DDR2: variants seen among roughly 807,000 people sequenced by gnomAD.
DDR2 encodes the protein discoidin domain-containing receptor 2.
DDR2 carries 27 observed loss-of-function variants against 94.9 expected under a neutral mutation model. That is an observed-to-expected ratio of 0.28 (90% confidence interval 0.21 to 0.39). The LOEUF (loss-of-function observed/expected upper bound fraction) is 0.39. Ranked by LOEUF, DDR2 falls within the 10% of genes least tolerant of loss-of-function variation. The probability of loss-of-function intolerance (pLI) is 1.00; values close to 1 mark genes in which losing one functional copy is unlikely to be tolerated. For missense variants in DDR2, 783 were observed against 1,076.0 expected (o/e 0.73, Z 3.81); for synonymous variants, 382 against 377.2 (o/e 1.01, Z -0.15).
At chr1:162,731,467 T>G (rs1281380338) in intron 3 of DDR2, among the ~76,000 whole-genome samples, 3 of 152,152 alleles carry the variant, frequency 2.0e-5, no homozygotes, top group Non-Finnish European at 4.4e-5. Context: ...TGAGTCAAAG[T>G]AAAAATAATT....
intron 7 of DDR2, among the ~76,000 whole-genome samples, chr1:162,758,069 T>C (rs1412662616): frequency 1.3e-5 from 2 of 152,110 alleles, no homozygotes; most frequent in Non-Finnish European, 2.9e-5. Flanking sequence ...CAGTAGGGGA[T>C]GATGATGGAT....
intron 3 of DDR2, among the ~76,000 whole-genome samples, chr1:162,728,870 A>C (rs1271286036): frequency 1.3e-5 from 2 of 152,000 alleles, no homozygotes; most frequent in Non-Finnish European, 2.9e-5. Context: ...CTCTGTCACT[A>C]TCTAGCTTTG....
At chr1:162,650,803 G>A (rs944292384) in intron 1 of DDR2, among the ~76,000 whole-genome samples, 1 of 151,930 alleles carries the variant, frequency 6.6e-6, no homozygotes, top group Non-Finnish European at 1.5e-5. Context: ...TCAGCTCACT[G>A]CAGCCTAAGC....
At chr1:162,703,837 A>G (rs1008681769) in intron 2 of DDR2, among the ~76,000 whole-genome samples, 1 of 152,078 alleles carries the variant, frequency 6.6e-6, no homozygotes, top group Non-Finnish European at 1.5e-5. Context: ...CAGCCTTTCC[A>G]GAGTGTGTCT....
intron 2 of DDR2, among the ~76,000 whole-genome samples, chr1:162,688,976 T>G (rs529419176): frequency 1.3e-5 from 2 of 152,274 alleles, no homozygotes; most frequent in South Asian, 4.1e-4. Context: ...GGTCCCCTCA[T>G]GATGTTCTGC....
At chr1:162,675,153 A>G (rs1221443861) in intron 2 of DDR2, among the ~76,000 whole-genome samples, 1 of 151,120 alleles carries the variant, frequency 6.6e-6, no homozygotes, top group Non-Finnish European at 1.5e-5. Context: ...GTGAAACTCC[A>G]TCTCAAAAAA....
chr1:162,686,209 T>A (rs892282492), intron 2 of DDR2, among the ~76,000 whole-genome samples: 6 of 152,106 alleles, frequency 3.9e-5, no homozygotes, highest in African/African-American at 1.4e-4. Flanking sequence ...TATTTTTTTT[T>A]TAAATTTTAT....
intron 2 of DDR2, among the ~76,000 whole-genome samples, chr1:162,706,036 C>T (rs1344004860): frequency 1.3e-5 from 2 of 152,146 alleles, no homozygotes; most frequent in Non-Finnish European, 2.9e-5. Context: ...TGGTTATCTG[C>T]TAAGTTTTGG....
intron 11 of DDR2, among the ~76,000 whole-genome samples, chr1:162,769,415 G>C (rs1191407707): frequency 6.6e-6 from 1 of 152,144 alleles, no homozygotes; most frequent in East Asian, 1.9e-4. Flanking sequence ...TAATTTTGGT[G>C]GTGTCCTCAA....
At chr1:162,774,974 T>C (rs554502109) in intron 14 of DDR2, among the ~76,000 whole-genome samples, 1 of 152,310 alleles carries the variant, frequency 6.6e-6, no homozygotes, top group South Asian at 2.1e-4. Flanking sequence ...GAGGCCTCAC[T>C]AACAAAATCT....
intron 7 of DDR2, among the ~76,000 whole-genome samples, chr1:162,756,662 G>A (rs1222244896): frequency 6.6e-6 from 1 of 152,144 alleles, no homozygotes; most frequent in Non-Finnish European, 1.5e-5. Context: ...AGGGAGTGTG[G>A]AATTACAGCC....
At position 162,743,798 on chromosome 1, in the gene DDR2, A is replaced by G. The variant is rs547998774; in HGVS notation, c.83-9297A>G. Among the ~76,000 whole-genome samples, 87 of 152,350 alleles carry G rather than the reference A, an allele frequency of 5.7e-4. 1 individual carries two copies. The highest frequency in any genetic ancestry group is 1.9e-3 in the African/African-American group (80 of 41,594). On this transcript the variant is annotated intron_variant, in intron 3 of 17. Transcript: ENST00000367921. ...TTACATATAAACCTGTGAAATCATC[A>G]CCATAATCAAGATAATGACCACATC...
chr1:162,741,611 G>A lies in DDR2; in HGVS notation c.83-11484G>A, dbSNP rs145951380. 6.6e-5 allele frequency: 65 copies of A among 985,298 alleles called. 1 individual carries two copies. The Middle Eastern group carries it at 1.6e-3, about 24-fold the overall frequency. 61.0% of individuals were successfully genotyped at this position (985,298 alleles called of 1,614,324 possible). A position where few individuals can be genotyped will look rare whatever the true frequency, so the allele number is the denominator to read the frequency against. On this transcript the variant is annotated intron_variant, in intron 3 of 17. Coordinates refer to ENST00000367921, the MANE Select transcript of DDR2 (RefSeq NM_006182.4). ...ATGGCAATCAGGGACACTATGACATGGACTACAGTCAAAAGATCCAGGAAT... is the reference window on the plus strand; with the variant it reads ...ATGGCAATCAGGGACACTATGACATAGACTACAGTCAAAAGATCCAGGAAT...
chr1:162,778,834 T>A, intron 17 of DDR2, 105 bp downstream of exon 17: 1 of 1,437,588 alleles, frequency 7.0e-7, no homozygotes, highest in African/African-American at 1.4e-5. Flanking sequence ...AGACAGACTA[T>A]CCAGGTGTTA....
chr1:162,643,007 C>T (rs1024030748), intron 1 of DDR2, among the ~76,000 whole-genome samples: 3 of 152,124 alleles, frequency 2.0e-5, no homozygotes, highest in Non-Finnish European at 4.4e-5. Flanking sequence ...TATACAATTC[C>T]TTCAAGGGCG....
rs146872111 is a variant in DDR2, at chr1:162,787,198, A to C, written c.*6952A>C. 1 of 152,074 alleles carries C rather than the reference A, an allele frequency of 6.6e-6. No homozygotes were observed. The highest frequency in any genetic ancestry group is 1.5e-5 in the Non-Finnish European group (1 of 68,004). 9.4% of individuals were successfully genotyped at this position (152,074 alleles called of 1,614,324 possible). The stretch of plus-strand genomic sequence containing the variant: ...CAGGGCCAAGGTTTGGCAGGGATAG[A>C]TGGGATCATTGTGTACCCTATTGTT... On this transcript the variant is annotated 3_prime_UTR_variant, in exon 18 of 18. Transcript: ENST00000367921.
At position 162,785,194 on chromosome 1, in the gene DDR2, G is replaced by A. The variant is rs1438390655; in HGVS notation, c.*4948G>A. ...CATAGCTTGTTGTCTAGAAAACCAG[G>A]TAGCAGGATATTCTAGATGCTTCCT... is the stretch of plus-strand genomic sequence containing the variant. On this transcript the variant is annotated 3_prime_UTR_variant, in exon 18 of 18. Transcript: ENST00000367921. 5 of 152,040 alleles carry A rather than the reference G, an allele frequency of 3.3e-5. No homozygotes were observed. Among genetic ancestry groups the A allele is most frequent in the Non-Finnish European group, 5.9e-5 (4 of 68,000 alleles). The allele number at this position is 152,040 out of a possible 1,614,324, so 9.4% of individuals were successfully genotyped here. A position where few individuals can be genotyped will look rare whatever the true frequency, so the allele number is the denominator to read the frequency against.
Position 162,670,593 on chromosome 1 carries a change from G to A in DDR2, c.-28+15219G>A, listed in dbSNP as rs189371806. Among the ~76,000 whole-genome samples, 3 of 152,326 alleles carry A rather than the reference G, an allele frequency of 2.0e-5. No individual in the cohort carries two copies. The East Asian group carries it at 5.8e-4, about 29-fold the overall frequency. On this transcript the variant is annotated intron_variant, in intron 2 of 17. Coordinates refer to ENST00000367921, the MANE Select transcript of DDR2 (RefSeq NM_006182.4). Reference sequence around the variant, plus strand: ...GCCTAGCCAAGCTGACAGATCAGAAGAGCCATGACAACAATGATAAAAGAA... The same window carrying A: ...GCCTAGCCAAGCTGACAGATCAGAAAAGCCATGACAACAATGATAAAAGAA...
upstream of DDR2, among the ~76,000 whole-genome samples, chr1:162,632,247 T>C (rs971042337): frequency 4.6e-5 from 7 of 152,290 alleles, no homozygotes; most frequent in South Asian, 1.5e-3. Flanking sequence ...TGGTTATACA[T>C]ATTTTTTCTT....
Sources: gnomAD v4.1 joint callset for allele counts (sites outside exome capture counted in the v4.1 genomes callset) on GRCh38, gnomAD v4.1.1 for gene constraint, MANE v1.5 for transcripts, NCBI Gene and HGNC (gene_info 2026-07-23, HGNC 2026-07-21) for gene names.